FMN1: variants seen among roughly 807,000 people sequenced by gnomAD.
FMN1 encodes the protein formin-1.
In FMN1, 110 loss-of-function variants were observed where a neutral mutation model predicts 132.4. That is an observed-to-expected ratio of 0.83 (90% CI 0.71 to 0.97). The LOEUF (loss-of-function observed/expected upper bound fraction) is 0.97, where lower values mean the gene tolerates loss of function less well. FMN1 is among the 50% of genes least tolerant of loss of function. The pLI is 0.00. For missense variants in FMN1, 1,792 were observed against 1,705.3 expected (o/e 1.05, Z -0.90); for synonymous variants, 722 against 651.7 (o/e 1.11, Z -1.64).
chr15:32,969,531 A>T (rs1156801236), intron 7 of FMN1, 54 bp from the exon 8 acceptor site: 1 of 1,564,156 alleles, frequency 6.4e-7, no homozygotes, highest in Non-Finnish European at 8.7e-7. Flanking sequence ...GAACAAACTT[A>T]AGAATTTAGA....
At chr15:32,911,110 G>C (rs1299758115) in intron 10 of FMN1, among the ~76,000 whole-genome samples, 1 of 152,178 alleles carries the variant, frequency 6.6e-6, no homozygotes, top group Non-Finnish European at 1.5e-5. Context: ...TCTTCAGGCA[G>C]GCTCTCATTC....
chr15:32,900,361 C>T (rs2060265823), intron 13 of FMN1: 1 of 663,498 alleles, frequency 1.5e-6, no homozygotes, highest in Non-Finnish European at 2.8e-6. Context: ...TGTTTTAATA[C>T]ATGAGGATTA....
At chr15:32,989,978 G>A (rs1187239743) in intron 7 of FMN1, among the ~76,000 whole-genome samples, 1 of 152,090 alleles carries the variant, frequency 6.6e-6, no homozygotes, top group Non-Finnish European at 1.5e-5. Context: ...AAGAGGAGGA[G>A]GATTCAGAAG....
Position 32,773,753 on chromosome 15 carries a change from T to A in FMN1, c.*557A>T, listed in dbSNP as rs1029312987. On this transcript the variant is annotated 3_prime_UTR_variant, in exon 21 of 21. Coordinates refer to ENST00000616417, the MANE Select transcript of FMN1 (RefSeq NM_001277313.2). Reference sequence around the variant, plus strand: ...CCATAACAACAAAAAATCATTTTTTTAGTCTGGATAATACATGTTCTTGGA... The same window carrying A: ...CCATAACAACAAAAAATCATTTTTTAAGTCTGGATAATACATGTTCTTGGA... 2 of 152,496 alleles carry A rather than the reference T, an allele frequency of 1.3e-5. No individual in the cohort carries two copies. The highest frequency in any genetic ancestry group is 4.8e-5 in the African/African-American group (2 of 41,586). The allele number at this position is 152,496 out of a possible 1,614,324, so 9.4% of individuals were successfully genotyped here. A position where few individuals can be genotyped will look rare whatever the true frequency, so the allele number is the denominator to read the frequency against.
At chr15:32,941,633 T>A (rs1229016417) in intron 9 of FMN1, among the ~76,000 whole-genome samples, 1 of 152,224 alleles carries the variant, frequency 6.6e-6, no homozygotes, top group Non-Finnish European at 1.5e-5. Context: ...TATTACCTGA[T>A]GTGTAATAAT....
Position 33,064,965 on chromosome 15 carries a change from G to T in FMN1, c.2153C>A (p.Thr718Asn). 6.2e-7 allele frequency: 1 copy of T among 1,609,454 alleles called. No homozygotes were observed. The highest frequency in any genetic ancestry group is 8.5e-7 in the Non-Finnish European group (1 of 1,177,474). ...GCTTCCTTTCACATTACCTGCTTCA[G>T]TGTACTTCAGTCCCACTTTTTCTTC... Reference protein sequence around the residue: ...DTEEKVGLKYTEAEYQAAILH... With the variant: ...DTEEKVGLKYNEAEYQAAILH... The change falls in exon 6 of 21, where the codon ACT becomes AAT. Residue 718 changes from threonine (T) to asparagine (N), a missense_variant. Coordinates refer to ENST00000616417, the MANE Select transcript of FMN1 (RefSeq NM_001277313.2).
chr15:33,000,158 G>A (rs766491791), intron 7 of FMN1, among the ~76,000 whole-genome samples: 36 of 152,128 alleles, frequency 2.4e-4, no homozygotes, highest in Non-Finnish European at 7.4e-5. Flanking sequence ...GGTTAAAAAC[G>A]GGAGGCAGTG....
chr15:32,770,441 G>T lies in FMN1; in HGVS notation c.*3869C>A, dbSNP rs1439084647. On this transcript the variant is annotated 3_prime_UTR_variant, in exon 21 of 21. Coordinates refer to ENST00000616417, the MANE Select transcript of FMN1 (RefSeq NM_001277313.2). ...AAAATGTGCAATCCCAGGCCAATAA[G>T]CAAATCTTTGCCCAAAATAAACATA... is the stretch of plus-strand genomic sequence containing the variant. 2 of 152,136 alleles carry T rather than the reference G, an allele frequency of 1.3e-5. No homozygotes were observed. Among genetic ancestry groups the T allele is most frequent in the African/African-American group, 2.4e-5 (1 of 41,414 alleles). 9.4% of individuals were successfully genotyped at this position (152,136 alleles called of 1,614,324 possible).
chr15:33,083,082 A>G (rs941255341), intron 5 of FMN1, among the ~76,000 whole-genome samples: 6 of 152,150 alleles, frequency 3.9e-5, no homozygotes, highest in Non-Finnish European at 8.8e-5. Flanking sequence ...GCAGTCTAGC[A>G]TCTACACCAA....
intron 4 of FMN1, among the ~76,000 whole-genome samples, chr15:33,127,495 A>G (rs1243114732): frequency 4.6e-5 from 7 of 152,256 alleles, no homozygotes; most frequent in Non-Finnish European, 1.0e-4. Context: ...TACTTACTAA[A>G]TGAAACCCAA....
chr15:33,015,094 C>T (rs1409144539), intron 6 of FMN1, among the ~76,000 whole-genome samples: 3 of 152,164 alleles, frequency 2.0e-5, no homozygotes, highest in African/African-American at 7.2e-5. Flanking sequence ...TAGTTAAGTG[C>T]CAATAATATC....
Position 32,905,779 on chromosome 15 carries a change from A to G in FMN1, c.3377+2711T>C, listed in dbSNP as rs1324998493. On this transcript the variant is annotated intron_variant, in intron 12 of 20. Coordinates refer to ENST00000616417, the MANE Select transcript of FMN1 (RefSeq NM_001277313.2). ...TGTAAAACATGCTTATAGTCGACTC[A>G]CTTGGAGTTAATGGCAAATAAGTTG... Among the ~76,000 whole-genome samples the G allele has an allele frequency of 2.6e-5, 4 of 152,320 alleles. No homozygotes were observed. The South Asian group carries it at 6.2e-4, about 24-fold the overall frequency.
At chr15:32,794,487 A>G (rs1290214279) in intron 19 of FMN1, among the ~76,000 whole-genome samples, 2 of 152,104 alleles carry the variant, frequency 1.3e-5, no homozygotes, top group Non-Finnish European at 2.9e-5. Context: ...GCGCGGGCAT[A>G]TGTGGGGGCA....
intron 7 of FMN1, among the ~76,000 whole-genome samples, chr15:33,006,698 C>T (rs1330750324): frequency 2.0e-5 from 3 of 152,118 alleles, no homozygotes; most frequent in Non-Finnish European, 2.9e-5. Context: ...AAATGGAATA[C>T]TCTAGTCTTT....
intron 19 of FMN1, 84 bp from the exon 20 acceptor site, chr15:32,777,003 G>A: frequency 1.3e-6 from 1 of 796,872 alleles, no homozygotes; most frequent in Non-Finnish European, 2.0e-6. Context: ...GTTAAGGCAG[G>A]TTAAACATAA....
intron 16 of FMN1, among the ~76,000 whole-genome samples, chr15:32,879,005 C>A (rs918074123): frequency 6.6e-6 from 1 of 152,136 alleles, no homozygotes; most frequent in Non-Finnish European, 1.5e-5. Context: ...ATTAATTAAA[C>A]GGATGAATCA....
At chr15:33,165,698 C>T (rs1965080037) in intron 3 of FMN1, among the ~76,000 whole-genome samples, 1 of 152,042 alleles carries the variant, frequency 6.6e-6, no homozygotes, top group African/African-American at 2.4e-5. Flanking sequence ...GCCGGTTTTT[C>T]TTTTTAACAG....
At chr15:32,904,221 G>A (rs1268472769) in intron 12 of FMN1, among the ~76,000 whole-genome samples, 6 of 152,122 alleles carry the variant, frequency 3.9e-5, no homozygotes, top group Non-Finnish European at 8.8e-5. Context: ...TGTCATGGGG[G>A]GAACATTGTC....
intron 6 of FMN1, among the ~76,000 whole-genome samples, chr15:33,036,089 G>A (rs1283493273): frequency 2.6e-5 from 4 of 152,158 alleles, no homozygotes; most frequent in Admixed American, 1.3e-4. Flanking sequence ...CTCCATAACT[G>A]CATGGAATAA....
Sources: gnomAD v4.1 joint callset for allele counts (sites outside exome capture counted in the v4.1 genomes callset) on GRCh38, gnomAD v4.1.1 for gene constraint, MANE v1.5 for transcripts, NCBI Gene and HGNC (gene_info 2026-07-23, HGNC 2026-07-21) for gene names.